GSTCD: variants seen among roughly 807,000 people sequenced by gnomAD.
The protein encoded by GSTCD is glutathione S-transferase C-terminal domain containing.
In GSTCD, 44 loss-of-function variants were observed where a neutral mutation model predicts 68.3. The ratio of observed to expected loss-of-function variants is 0.64; its 90% confidence interval spans 0.51 to 0.83. The LOEUF (loss-of-function observed/expected upper bound fraction) is 0.83, where lower values mean the gene tolerates loss of function less well. GSTCD is among the 40% of genes least tolerant of loss of function. The pLI, the probability that GSTCD is intolerant of heterozygous loss-of-function variation, is 0.00. For synonymous variants in GSTCD, 273 were observed against 255.2 expected (o/e 1.07, Z -0.67); for missense variants, 739 against 735.9 (o/e 1.00, Z -0.05).
chr4:105,806,271 G>C (rs1315062973), intron 5 of GSTCD, among the ~76,000 whole-genome samples: 1 of 152,060 alleles, frequency 6.6e-6, no homozygotes, highest in East Asian at 1.9e-4. Context: ...TGTGGAGAGA[G>C]TATCTAAACT....
At chr4:105,714,883 A>G (rs1335549184) in intron 1 of GSTCD, among the ~76,000 whole-genome samples, 3 of 152,186 alleles carry the variant, frequency 2.0e-5, no homozygotes, top group Non-Finnish European at 4.4e-5. Flanking sequence ...TCCTATTTTC[A>G]TATTCTTATG....
intron 5 of GSTCD, among the ~76,000 whole-genome samples, chr4:105,817,501 C>T (rs1723056585): frequency 6.6e-6 from 1 of 151,778 alleles, no homozygotes; most frequent in Non-Finnish European, 1.5e-5. Context: ...GGGAGAGTAT[C>T]AGATTATTTG....
chr4:105,726,702 C>T lies in GSTCD; in HGVS notation c.1018C>T (p.Leu340Phe), dbSNP rs1255125668. 6 of 1,613,962 alleles carry T rather than the reference C, an allele frequency of 3.7e-6. No individual in the cohort carries two copies. The highest frequency in any genetic ancestry group is 3.3e-5 in the Admixed American group (2 of 59,966). ...AGCTTCTAAGTGTGGGATCCAATTT[C>T]TCCATTTACCAAAGTTGTTGACAAC... ...TAASKCGIQFLHLPKLLTTST... is the reference protein window; with the variant it reads ...TAASKCGIQFFHLPKLLTTST... The change falls in exon 4 of 12, where the codon CTC (leucine) becomes TTC (phenylalanine). Residue 340 changes from leucine (L) to phenylalanine (F), a missense_variant. By Grantham distance (22) the Leu-to-Phe change is conservative (BLOSUM62 0). Transcript: ENST00000515279.
intron 1 of GSTCD, among the ~76,000 whole-genome samples, chr4:105,710,232 ATTTTT>A (rs761574598): frequency 5.8e-5 from 5 of 85,720 alleles, no homozygotes; most frequent in African/African-American, 1.1e-4. Flanking sequence ...GGGCCCATCA[ATTTTT>A]TTTTTTTTTT....
rs764256512 is a variant in GSTCD, at chr4:105,847,046, CTTA to C, written c.*1473_*1475del. 6.6e-6 allele frequency: 1 copy of C among 152,128 alleles called. No homozygotes were observed. The highest frequency in any genetic ancestry group is 1.5e-5 in the Non-Finnish European group (1 of 68,018). The allele number at this position is 152,128 out of a possible 1,614,324, so 9.4% of individuals were successfully genotyped here. On this transcript the variant is annotated 3_prime_UTR_variant, in exon 12 of 12. Coordinates refer to ENST00000515279, the MANE Select transcript of GSTCD (RefSeq NM_001370181.1). ...TTTATTTATATATTTCTGGGTAAAACTTATTAGTGGTGTGAGGAGTGCAGAATA... is the reference window on the plus strand; with the variant it reads ...TTTATTTATATATTTCTGGGTAAAACTTAGTGGTGTGAGGAGTGCAGAATA...
intron 5 of GSTCD, among the ~76,000 whole-genome samples, chr4:105,753,889 ACTT>A (rs1464348479): frequency 6.6e-6 from 1 of 151,966 alleles, no homozygotes; most frequent in African/African-American, 2.4e-5. Context: ...ACCTTTCCAG[ACTT>A]CTTTTAAATA....
intron 3 of GSTCD, among the ~76,000 whole-genome samples, chr4:105,722,739 T>C (rs1732911524): frequency 6.6e-6 from 1 of 151,984 alleles, no homozygotes; most frequent in African/African-American, 2.4e-5. Flanking sequence ...AGCTATGCTT[T>C]TTTTTTAAAC....
intron 1 of GSTCD, among the ~76,000 whole-genome samples, chr4:105,712,028 G>T (rs1732554011): frequency 1.3e-5 from 2 of 152,320 alleles, no homozygotes; most frequent in South Asian, 4.1e-4. Flanking sequence ...GGAAAAGAAA[G>T]AATGGTGTCA....
rs533151739 is a variant in GSTCD at position 105,723,370 on chromosome 4, C to A, written c.895-3209C>A. On this transcript the variant is annotated intron_variant, in intron 3 of 11. Transcript: ENST00000515279. ...TTCTGTATTCATGTATTCAACCAACCGCAGATTTAAAATATTTGGAAAAAA... is the reference window on the plus strand; with the variant it reads ...TTCTGTATTCATGTATTCAACCAACAGCAGATTTAAAATATTTGGAAAAAA... Among the ~76,000 whole-genome samples the A allele has an allele frequency of 6.6e-5, 10 of 151,782 alleles. No individual in the cohort carries two copies. The South Asian group carries it at 2.1e-3, about 32-fold the overall frequency.
chr4:105,842,913 A>T (rs1357148461), intron 11 of GSTCD, among the ~76,000 whole-genome samples: 4 of 152,180 alleles, frequency 2.6e-5, no homozygotes, highest in Non-Finnish European at 5.9e-5. Flanking sequence ...TGTCCACCTT[A>T]GTTACTGCTT....
intron 5 of GSTCD, among the ~76,000 whole-genome samples, chr4:105,731,474 T>A (rs1479294094): frequency 6.6e-6 from 1 of 152,204 alleles, no homozygotes; most frequent in African/African-American, 2.4e-5. Context: ...TTCCTAGGTA[T>A]TTTATTCTCT....
At chr4:105,749,186 G>C (rs965365282) in intron 5 of GSTCD, among the ~76,000 whole-genome samples, 1 of 130,932 alleles carries the variant, frequency 7.6e-6, no homozygotes, top group Non-Finnish European at 1.7e-5. Flanking sequence ...AAAAAGAAAC[G>C]TAAAATGCAC....
At chr4:105,743,163 G>T (rs1296487416) in intron 5 of GSTCD, among the ~76,000 whole-genome samples, 2 of 151,974 alleles carry the variant, frequency 1.3e-5, no homozygotes, top group African/African-American at 4.8e-5. Flanking sequence ...TGTTAGCCAG[G>T]ATGGTCTCGA....
intron 5 of GSTCD, among the ~76,000 whole-genome samples, chr4:105,798,983 C>G (rs768621409): frequency 9.2e-5 from 14 of 152,154 alleles, no homozygotes; most frequent in Non-Finnish European, 7.4e-5. Context: ...TTTAGTGGAG[C>G]CACCTCATCA....
chr4:105,778,197 G>A (rs529766362), intron 5 of GSTCD, among the ~76,000 whole-genome samples: 3 of 152,154 alleles, frequency 2.0e-5, no homozygotes, highest in South Asian at 4.2e-4. Context: ...CTACTCAATG[G>A]GTCGGTTTGT....
chr4:105,800,724 AT>A (rs1185508491), intron 5 of GSTCD, among the ~76,000 whole-genome samples: 4 of 152,292 alleles, frequency 2.6e-5, no homozygotes, highest in Admixed American at 2.6e-4. Context: ...AATTCTCATT[AT>A]TCGTAGTAGT....
intron 8 of GSTCD, among the ~76,000 whole-genome samples, chr4:105,832,251 C>T (rs572646122): frequency 6.6e-6 from 1 of 151,990 alleles, no homozygotes. Flanking sequence ...TTTCCATATC[C>T]AATGGTTTTT....
intron 5 of GSTCD, among the ~76,000 whole-genome samples, chr4:105,753,985 A>C (rs1020543548): frequency 1.3e-5 from 2 of 151,952 alleles, no homozygotes; most frequent in African/African-American, 2.4e-5. Flanking sequence ...TTAATCTTAA[A>C]TGCTTATAGG....
intron 5 of GSTCD, among the ~76,000 whole-genome samples, chr4:105,748,694 A>G (rs146009034): frequency 6.6e-6 from 1 of 152,164 alleles, no homozygotes; most frequent in Non-Finnish European, 1.5e-5. Context: ...ATTAGTGTAT[A>G]TCAGTATAGA....
Sources: gnomAD v4.1 joint callset for allele counts (sites outside exome capture counted in the v4.1 genomes callset) on GRCh38, gnomAD v4.1.1 for gene constraint, MANE v1.5 for transcripts, NCBI Gene and HGNC (gene_info 2026-07-23, HGNC 2026-07-21) for gene names.